Variants in BEND2 observed in about 807,000 individuals in gnomAD.
The protein encoded by BEND2 is BEN domain-containing protein 2.
A neutral mutation model predicts 43.8 loss-of-function variants in BEND2; 19 were observed. The observed-to-expected ratio is 0.43, with a 90% CI of 0.30 to 0.64. BEND2 has a LOEUF of 0.64. BEND2 is among the 30% of genes least tolerant of loss of function. BEND2 has a pLI of 0.11. For missense variants in BEND2, 544 were observed against 574.0 expected (o/e 0.95, Z 0.53); for synonymous variants, 226 against 210.1 (o/e 1.08, Z -0.66).
At chrX:18,190,766 T>TCTCTCTCTCACACA (rs1439593746) in intron 8 of BEND2, among the ~76,000 whole-genome samples, 1 of 93,008 alleles carries the variant, frequency 1.1e-5, no homozygotes, top group African/African-American at 3.9e-5. Flanking sequence ...TCTCTCTCTC[T>TCTCTCTCTCACACA]CACACACACA....
chrX:18,176,984 C>T (rs1460951798), intron 10 of BEND2, among the ~76,000 whole-genome samples: 1 of 110,319 alleles, frequency 9.1e-6, no homozygotes. Flanking sequence ...GCTTCCCCAA[C>T]ACTACCACAC....
At chrX:18,219,372 G>A (rs1042302721) in intron 1 of BEND2, among the ~76,000 whole-genome samples, 8 of 112,703 alleles carry the variant, frequency 7.1e-5, no homozygotes, top group Non-Finnish European at 1.5e-4. Context: ...GCCCTCGCAC[G>A]CCTCGACGGC....
intron 8 of BEND2, among the ~76,000 whole-genome samples, chrX:18,181,723 C>G (rs535988543): frequency 8.9e-6 from 1 of 111,757 alleles, no homozygotes; most frequent in East Asian, 2.8e-4. Context: ...TACAGTAACA[C>G]TCAGAGCAAC....
intron 13 of BEND2, among the ~76,000 whole-genome samples, chrX:18,170,358 A>G (rs1157660699): frequency 8.9e-6 from 1 of 112,272 alleles, no homozygotes; most frequent in East Asian, 2.8e-4. Flanking sequence ...ACAAATGCTT[A>G]TAAGAGCTGC....
At chrX:18,205,219 G>A (rs759062840) in intron 4 of BEND2, among the ~76,000 whole-genome samples, 118 of 110,491 alleles carry the variant, frequency 1.1e-3, no homozygotes, top group African/African-American at 3.7e-3. Flanking sequence ...CTTTATTGAC[G>A]GCCTTCCACC....
chrX:18,171,654 C>G (rs183064885), intron 12 of BEND2, among the ~76,000 whole-genome samples: 1 of 111,514 alleles, frequency 9.0e-6, no homozygotes, highest in Non-Finnish European at 1.9e-5. Flanking sequence ...TAAAGCCTTA[C>G]GTTTTTAGTG....
intron 10 of BEND2, among the ~76,000 whole-genome samples, chrX:18,176,994 C>G (rs781432027): frequency 9.0e-6 from 1 of 110,640 alleles, no homozygotes; most frequent in East Asian, 2.9e-4. Context: ...CACTACCACA[C>G]TGGACTGGGA....
At chrX:18,177,923 G>C (rs183701162) in intron 9 of BEND2, among the ~76,000 whole-genome samples, 154 bp from the exon 10 acceptor site, 6 of 111,907 alleles carry the variant, frequency 5.4e-5, no homozygotes, top group Non-Finnish European at 7.5e-5. Context: ...TTCTACTTGG[G>C]TGAATTTTTT....
chrX:18,186,158 C>T (rs1924561529), intron 8 of BEND2, among the ~76,000 whole-genome samples: 1 of 111,540 alleles, frequency 9.0e-6, no homozygotes, highest in African/African-American at 3.3e-5. Flanking sequence ...AACAACTTTT[C>T]AAGACATAGA....
At chrX:18,167,011 T>C (rs1923841242) in intron 13 of BEND2, among the ~76,000 whole-genome samples, 1 of 111,453 alleles carries the variant, frequency 9.0e-6, no homozygotes, top group African/African-American at 3.3e-5. Context: ...CTGGGCACAG[T>C]GGCTTATGCT....
At chrX:18,170,521 G>A (rs753992587) in intron 13 of BEND2, among the ~76,000 whole-genome samples, 2 of 112,351 alleles carry the variant, frequency 1.8e-5, no homozygotes, top group South Asian at 3.7e-4. Context: ...TTTTGCTTCC[G>A]CTTTGTCCAA....
chrX:18,176,000 C>G lies in BEND2; in HGVS notation c.1724G>C (p.Cys575Ser). 1.3e-5 allele frequency: 15 copies of G among 1,195,533 alleles called. No individual in the cohort carries two copies. Among genetic ancestry groups the G allele is most frequent in the East Asian group, 3.0e-5 (1 of 33,458 alleles). Residue 575 changes from cysteine to serine, a missense_variant, in exon 11 of 14, where the codon TGT becomes TCT. This residue lies in a region of BEND2 where 501 missense variants were observed against 501.6 expected (regional missense o/e 1.00). Transcript: ENST00000380033. Reference sequence around the variant, plus strand: ...AGTACTCTTGCCTTCAGAACATAAACAGTAGATCATAGAATTGATACCAGA... The same window carrying G: ...AGTACTCTTGCCTTCAGAACATAAAGAGTAGATCATAGAATTGATACCAGA... Reference protein sequence around the residue: ...CISGINSMIYCLCSEGKSTPK... With the variant: ...CISGINSMIYSLCSEGKSTPK...
chrX:18,177,029 C>T (rs1235722635), intron 10 of BEND2, among the ~76,000 whole-genome samples: 1 of 110,738 alleles, frequency 9.0e-6, no homozygotes, highest in Non-Finnish European at 1.9e-5. Flanking sequence ...TCAACATGTC[C>T]CTTTCTAGAC....
At chrX:18,176,436 T>C (rs1371552338) in intron 10 of BEND2, among the ~76,000 whole-genome samples, 1 of 108,263 alleles carries the variant, frequency 9.2e-6, no homozygotes, top group Non-Finnish European at 1.9e-5. Flanking sequence ...CCCAGTGTTT[T>C]GGGAGGTCGA....
intron 4 of BEND2, among the ~76,000 whole-genome samples, chrX:18,207,236 A>G (rs1331101552): frequency 1.8e-5 from 2 of 112,361 alleles, no homozygotes; most frequent in African/African-American, 6.5e-5. Flanking sequence ...TTTCCAAAAT[A>G]TTTTAGCTCA....
intron 8 of BEND2, 90 bp from the exon 9 acceptor site, chrX:18,180,740 A>G: frequency 1.5e-6 from 1 of 684,482 alleles, no homozygotes; most frequent in South Asian, 3.0e-5. Context: ...AGACAAAAGA[A>G]AACTAAAAAG....
At chrX:18,201,684 G>C in intron 6 of BEND2, 131 bp downstream of exon 6, 1 of 790,493 alleles carries the variant, frequency 1.3e-6, no homozygotes, top group Non-Finnish European at 1.7e-6. Context: ...GTAGAGACGG[G>C]TTTTCACCAT....
chrX:18,219,359 C>T lies in BEND2; in HGVS notation c.25+1367G>A, dbSNP rs772008568. On this transcript the variant is annotated intron_variant, in intron 1 of 13. Coordinates refer to ENST00000380033, the MANE Select transcript of BEND2 (RefSeq NM_153346.5). ...CTTAACGACCACGCGGCAAGGGGGC[C>T]GGGCCCTCGCACGCCTCGACGGCCT... Among the ~76,000 whole-genome samples the T allele has an allele frequency of 3.5e-5, 4 of 112,866 alleles. No individual in the cohort carries two copies. The South Asian group carries it at 1.5e-3, about 41-fold the overall frequency.
At chrX:18,193,910 A>T (rs1322575059) in intron 7 of BEND2, among the ~76,000 whole-genome samples, 1 of 111,843 alleles carries the variant, frequency 8.9e-6, no homozygotes, top group Non-Finnish European at 1.9e-5. Flanking sequence ...AAGTACTGAA[A>T]GAAAAGAACT....
Sources: allele counts gnomAD v4.1 joint callset (sites outside exome capture counted in the v4.1 genomes callset), GRCh38; gene constraint gnomAD v4.1.1; regional missense constraint gnomAD v4.1.1; transcripts MANE v1.5; gene names NCBI Gene and HGNC (gene_info 2026-07-23, HGNC 2026-07-21).